The following DACH1 variants were observed in gnomAD, a reference collection of about 807,000 sequenced individuals.
DACH1 encodes dachshund homolog 1.
DACH1 carries 12 observed loss-of-function variants against 54.2 expected under a neutral mutation model. That is an observed-to-expected ratio of 0.22 (90% confidence interval 0.14 to 0.36). DACH1 has a LOEUF of 0.36. Ranked by LOEUF, DACH1 falls within the 10% of genes least tolerant of loss-of-function variation. The pLI is 1.00. For synonymous variants in DACH1, 386 were observed against 366.2 expected, an observed-to-expected ratio of 1.05 and a Z score of -0.62; for missense variants, 805 against 929.8, an observed-to-expected ratio of 0.87 and a Z score of 1.75.
chr13:71,732,875 A>G (rs1282654400), intron 1 of DACH1, among the ~76,000 whole-genome samples: 2 of 152,144 alleles, frequency 1.3e-5, no homozygotes, highest in Non-Finnish European at 2.9e-5. Flanking sequence ...CAAACCTCTT[A>G]GCATGACACT....
intron 1 of DACH1, among the ~76,000 whole-genome samples, chr13:71,865,119 G>A (rs1340738640): frequency 6.6e-6 from 1 of 152,044 alleles, no homozygotes; most frequent in Non-Finnish European, 1.5e-5. Flanking sequence ...AAAACCTGCT[G>A]GTTGCCCTCG....
intron 6 of DACH1, among the ~76,000 whole-genome samples, chr13:71,504,282 T>C (rs2138240113): frequency 6.6e-6 from 1 of 152,272 alleles, no homozygotes; most frequent in African/African-American, 2.4e-5. Context: ...TTTGAAAAAT[T>C]ATTAGAAATT....
chr13:71,735,254 T>TAC (rs1883991547), intron 1 of DACH1, among the ~76,000 whole-genome samples: 1 of 97,760 alleles, frequency 1.0e-5, no homozygotes, highest in Admixed American at 1.1e-4. Context: ...ATATGGGATA[T>TAC]ACGTGTATAT....
At chr13:71,721,474 G>A (rs1202491035) in intron 1 of DACH1, among the ~76,000 whole-genome samples, 3 of 152,098 alleles carry the variant, frequency 2.0e-5, no homozygotes, top group Non-Finnish European at 4.4e-5. Flanking sequence ...GTAACTAGGG[G>A]TAGTCCAAAT....
intron 1 of DACH1, among the ~76,000 whole-genome samples, chr13:71,822,793 G>GA (rs1356115518): frequency 2.0e-5 from 3 of 151,982 alleles, no homozygotes; most frequent in Non-Finnish European, 4.4e-5. Flanking sequence ...GATACCAAAG[G>GA]AAAGAGGGAG....
intron 2 of DACH1, among the ~76,000 whole-genome samples, chr13:71,650,792 T>C (rs978445515): frequency 3.3e-5 from 5 of 152,194 alleles, no homozygotes; most frequent in African/African-American, 9.6e-5. Context: ...ATCACTAAAA[T>C]TGACAGTGCA....
rs1489367393 is a variant in DACH1, at chr13:71,506,976, C to T, written c.1571-17828G>A. Among the ~76,000 whole-genome samples the T allele has an allele frequency of 3.3e-5, 5 of 151,208 alleles. No homozygotes were observed. The East Asian group carries it at 9.7e-4, about 29-fold the overall frequency. Reference sequence around the variant, plus strand: ...CCCTAGAAGAAAACCTAGGCATTACCATTCAGGACATAGGCATGGGCAAGG... The same window carrying T: ...CCCTAGAAGAAAACCTAGGCATTACTATTCAGGACATAGGCATGGGCAAGG... On this transcript the variant is annotated intron_variant, in intron 6 of 10. Transcript: ENST00000613252.
chr13:71,830,798 A>G (rs577159222), intron 1 of DACH1, among the ~76,000 whole-genome samples: 1 of 151,836 alleles, frequency 6.6e-6, no homozygotes, highest in East Asian at 1.9e-4. Context: ...CATCTTATTT[A>G]CTTTTGGATT....
intron 1 of DACH1, among the ~76,000 whole-genome samples, chr13:71,795,806 C>T (rs148625127): frequency 1.6e-4 from 24 of 152,150 alleles, no homozygotes; most frequent in Non-Finnish European, 3.1e-4. Flanking sequence ...TAATATCTTC[C>T]CTGCAATATT....
At chr13:71,611,640 A>G (rs548350032) in intron 3 of DACH1, among the ~76,000 whole-genome samples, 5 of 152,316 alleles carry the variant, frequency 3.3e-5, no homozygotes, top group Admixed American at 6.5e-5. Flanking sequence ...GGGCAGGAAA[A>G]AGCAAATTGT....
At chr13:71,849,058 T>C (rs1367754301) in intron 1 of DACH1, among the ~76,000 whole-genome samples, 2 of 152,234 alleles carry the variant, frequency 1.3e-5, no homozygotes, top group African/African-American at 2.4e-5. Context: ...TCTAGAGATA[T>C]TGTGATAATA....
At chr13:71,609,014 C>T (rs1309680312) in intron 3 of DACH1, among the ~76,000 whole-genome samples, 1 of 152,034 alleles carries the variant, frequency 6.6e-6, no homozygotes, top group Admixed American at 6.6e-5. Context: ...GGTTTGTTTG[C>T]TTTCTTTTGC....
chr13:71,730,136 C>T (rs1883669199), intron 1 of DACH1, among the ~76,000 whole-genome samples: 1 of 151,820 alleles, frequency 6.6e-6, no homozygotes, highest in South Asian at 2.1e-4. Context: ...ACCAGCATGG[C>T]ACATGTATAC....
Position 71,439,264 on chromosome 13 carries a change from T to C in DACH1, c.*1391A>G, listed in dbSNP as rs180813360. On this transcript the variant is annotated 3_prime_UTR_variant, in exon 11 of 11. Coordinates refer to ENST00000613252, the MANE Select transcript of DACH1 (RefSeq NM_080759.6). ...GTCTTTAAAGGTGTAATTCCAGATA[T>C]GCAAAAAACAAAGAGAAGGTAACTT... 3.9e-5 allele frequency: 6 copies of C among 152,546 alleles called. No individual in the cohort carries two copies. The highest frequency in any genetic ancestry group is 1.9e-4 in the East Asian group (1 of 5,182). 9.4% of individuals were successfully genotyped at this position (152,546 alleles called of 1,614,324 possible).
chr13:71,603,467 T>G (rs1369813666), intron 3 of DACH1, among the ~76,000 whole-genome samples: 1 of 151,952 alleles, frequency 6.6e-6, no homozygotes, highest in Admixed American at 6.6e-5. Context: ...TCCCTCCTGG[T>G]GAGTGTTAAA....
At chr13:71,469,446 TAAC>T (rs1467343303) in intron 10 of DACH1, among the ~76,000 whole-genome samples, 2 of 151,604 alleles carry the variant, frequency 1.3e-5, no homozygotes, top group African/African-American at 2.4e-5. Flanking sequence ...ACAAAACAAA[TAAC>T]AACAACAATA....
At chr13:71,652,961 C>A (rs914364622) in intron 2 of DACH1, among the ~76,000 whole-genome samples, 6 of 152,172 alleles carry the variant, frequency 3.9e-5, no homozygotes, top group South Asian at 2.1e-4. Context: ...AAAGGGCCAA[C>A]AATTTATCCA....
intron 2 of DACH1, among the ~76,000 whole-genome samples, chr13:71,635,795 T>A (rs1877446063): frequency 6.6e-6 from 1 of 152,156 alleles, no homozygotes; most frequent in Admixed American, 6.6e-5. Flanking sequence ...TTTTCTTTTC[T>A]TTTTTGAGAG....
rs1357514847 is a variant in DACH1 at position 71,816,570 on chromosome 13, ATATATATACACG to A, written c.848+49340_848+49351del. Among the ~76,000 whole-genome samples the A allele has an allele frequency of 8.3e-3, 1,211 of 145,860 alleles. 15 individuals are homozygous for A. The highest frequency in any genetic ancestry group is 0.014 in the Non-Finnish European group (917 of 67,124). ...ATGTGGTATATACATATATGTGTGTATATATATACACGTATATATATACACACATATGTGTGT... is the reference window on the plus strand; with the variant it reads ...ATGTGGTATATACATATATGTGTGTATATATATATACACACATATGTGTGT... On this transcript the variant is annotated intron_variant, in intron 1 of 10. Coordinates refer to ENST00000613252, the MANE Select transcript of DACH1 (RefSeq NM_080759.6).
Sources: allele counts gnomAD v4.1 joint callset (sites outside exome capture counted in the v4.1 genomes callset), GRCh38; gene constraint gnomAD v4.1.1; transcripts MANE v1.5; gene names NCBI Gene and HGNC (gene_info 2026-07-23, HGNC 2026-07-21).